CTNNA2: variants seen among roughly 807,000 people sequenced by gnomAD.
The protein encoded by CTNNA2 is catenin alpha-2.
In CTNNA2, 42 loss-of-function variants were observed where a neutral mutation model predicts 101.0. The ratio of observed to expected loss-of-function variants is 0.42; its 90% CI spans 0.32 to 0.54. The LOEUF (loss-of-function observed/expected upper bound fraction) is 0.54. Ranked by LOEUF, CTNNA2 falls within the 20% of genes least tolerant of loss-of-function variation. CTNNA2 has a pLI of 0.14. For synonymous variants in CTNNA2, 450 were observed against 456.4 expected, an observed-to-expected ratio of 0.99 and a Z score of 0.18; for missense variants, 871 against 1,223.1, an observed-to-expected ratio of 0.71 and a Z score of 4.29.
intron 8 of CTNNA2, among the ~76,000 whole-genome samples, chr2:80,400,006 A>T (rs1049591649): frequency 6.6e-6 from 1 of 152,130 alleles, no homozygotes; most frequent in Non-Finnish European, 1.5e-5. Context: ...TTAGACTGGG[A>T]TTCTTATCCA....
At position 80,648,745 on chromosome 2, in the gene CTNNA2, CACTA is replaced by C. The variant is rs547170336; in HGVS notation, c.*881_*884del. 4.6e-5 allele frequency: 7 copies of C among 152,176 alleles called. No homozygotes were observed. The highest frequency in any genetic ancestry group is 2.1e-4 in the South Asian group (1 of 4,814). 9.4% of individuals were successfully genotyped at this position (152,176 alleles called of 1,614,324 possible). ...CTGGTATCTAATATACCATTGTATT[CACTA>C]ACTAACTCAAAATAAACACATTTAA... On this transcript the variant is annotated 3_prime_UTR_variant, in exon 19 of 19. Coordinates refer to ENST00000402739, the MANE Select transcript of CTNNA2 (RefSeq NM_001282597.3).
chr2:80,387,596 AAG>A (rs1427366497), intron 7 of CTNNA2, among the ~76,000 whole-genome samples: 2 of 152,188 alleles, frequency 1.3e-5, no homozygotes, highest in African/African-American at 2.4e-5. Flanking sequence ...TAATTGTAAA[AAG>A]AGAAATTTCT....
At chr2:79,354,726 A>G (rs1677467563) in intron 3 of CTNNA2, among the ~76,000 whole-genome samples, 1 of 152,112 alleles carries the variant, frequency 6.6e-6, no homozygotes, top group Non-Finnish European at 1.5e-5. Context: ...GGATCCCAGA[A>G]GTCCACTGTG....
chr2:79,506,190 C>G (rs1671409707), intron 5 of CTNNA2, among the ~76,000 whole-genome samples: 1 of 151,990 alleles, frequency 6.6e-6, no homozygotes, highest in African/African-American at 2.4e-5. Flanking sequence ...TAAATAAGGA[C>G]ATTTCTATGT....
intron 2 of CTNNA2, among the ~76,000 whole-genome samples, chr2:79,247,540 T>A (rs1674715027): frequency 6.6e-6 from 1 of 152,216 alleles, no homozygotes; most frequent in African/African-American, 2.4e-5. Flanking sequence ...TGTCTGCAAT[T>A]CTAGCATAAT....
chr2:79,721,472 A>G (rs912890959), intron 2 of CTNNA2, among the ~76,000 whole-genome samples: 2 of 152,304 alleles, frequency 1.3e-5, no homozygotes, highest in African/African-American at 4.8e-5. Context: ...CCCATTTCCA[A>G]TCAACATATG....
intron 4 of CTNNA2, among the ~76,000 whole-genome samples, chr2:79,432,820 TG>T (rs1393703480): frequency 6.6e-6 from 1 of 152,230 alleles, no homozygotes; most frequent in African/African-American, 2.4e-5. Context: ...AAAGGTTTTT[TG>T]TACTTTCATC....
At chr2:79,887,835 C>G (rs974538431) in intron 6 of CTNNA2, among the ~76,000 whole-genome samples, 1 of 152,054 alleles carries the variant, frequency 6.6e-6, no homozygotes, top group African/African-American at 2.4e-5. Flanking sequence ...AAATTTATTT[C>G]TTCTTTTTCA....
At chr2:79,982,558 C>T (rs1691460295) in intron 7 of CTNNA2, among the ~76,000 whole-genome samples, 1 of 138,648 alleles carries the variant, frequency 7.2e-6, no homozygotes. Flanking sequence ...TCCATGTTGC[C>T]CAGTCTTCAT....
chr2:79,230,793 TATGGG>T (rs2104238030), intron 2 of CTNNA2, among the ~76,000 whole-genome samples: 1 of 152,324 alleles, frequency 6.6e-6, no homozygotes, highest in Admixed American at 6.5e-5. Context: ...TGCCCAAGAC[TATGGG>T]AACCCACCTC....
At chr2:79,978,909 C>T (rs1191986775) in intron 7 of CTNNA2, among the ~76,000 whole-genome samples, 2 of 152,022 alleles carry the variant, frequency 1.3e-5, no homozygotes, top group Non-Finnish European at 2.9e-5. Flanking sequence ...TTTATCATGC[C>T]CTCTTGACAT....
intron 7 of CTNNA2, among the ~76,000 whole-genome samples, chr2:80,367,807 G>GT (rs897545791): frequency 1.3e-5 from 2 of 152,102 alleles, no homozygotes; most frequent in African/African-American, 2.4e-5. Context: ...TCCTTTGGTT[G>GT]TTTTTTATTT....
chr2:80,029,948 G>C (rs914216672), intron 7 of CTNNA2, among the ~76,000 whole-genome samples: 3 of 152,080 alleles, frequency 2.0e-5, no homozygotes, highest in African/African-American at 7.2e-5. Context: ...CCACATTAGT[G>C]TGGGCCTTGG....
chr2:80,146,391 T>A (rs1341778903), intron 7 of CTNNA2, among the ~76,000 whole-genome samples: 2 of 152,130 alleles, frequency 1.3e-5, no homozygotes. Flanking sequence ...CTTCTCAAAA[T>A]TTCTTCCCTC....
At chr2:79,326,683 C>A (rs962811476) in intron 3 of CTNNA2, among the ~76,000 whole-genome samples, 2 of 152,136 alleles carry the variant, frequency 1.3e-5, no homozygotes, top group African/African-American at 4.8e-5. Flanking sequence ...AATGAATGAA[C>A]AAGCTTTAAT....
At chr2:79,829,412 C>CACACACACAG (rs1678713752) in intron 3 of CTNNA2, among the ~76,000 whole-genome samples, 1 of 127,330 alleles carries the variant, frequency 7.9e-6, no homozygotes, top group African/African-American at 3.0e-5. Flanking sequence ...CACACACACA[C>CACACACACAG]ACAGACACAA....
chr2:80,409,271 A>G (rs1679344076), intron 8 of CTNNA2, among the ~76,000 whole-genome samples: 1 of 152,106 alleles, frequency 6.6e-6, no homozygotes, highest in Non-Finnish European at 1.5e-5. Context: ...GGAGGGGTGG[A>G]GAAATCTTAA....
rs561970354 is a variant in CTNNA2 at position 79,978,749 on chromosome 2, C to A, written c.1056+68952C>A. Among the ~76,000 whole-genome samples, 4 of 152,254 alleles carry A rather than the reference C, an allele frequency of 2.6e-5. No homozygotes were observed. The South Asian group carries it at 6.2e-4, about 24-fold the overall frequency. On this transcript the variant is annotated intron_variant, in intron 7 of 18. Transcript: ENST00000402739. ...ACACGCCTCTAGGCTTTTCCTAGAG[C>A]AAAATAGTATTAATTCTGGGGTCAC...
At chr2:80,498,430 G>C (rs1687632321) in intron 9 of CTNNA2, among the ~76,000 whole-genome samples, 2 of 152,186 alleles carry the variant, frequency 1.3e-5, no homozygotes, top group Admixed American at 1.3e-4. Flanking sequence ...AATCTCCTAT[G>C]TATTTCCCTA....
Sources: allele counts gnomAD v4.1 joint callset (sites outside exome capture counted in the v4.1 genomes callset), GRCh38; gene constraint gnomAD v4.1.1; transcripts MANE v1.5; gene names NCBI Gene and HGNC (gene_info 2026-07-23, HGNC 2026-07-21).